Variants in ABCG1 observed in about 807,000 individuals in gnomAD.
ABCG1 encodes the protein ATP-binding cassette sub-family G member 1.
Under a neutral mutation model 69.2 loss-of-function variants are expected in ABCG1, and 29 were observed. That is an observed-to-expected ratio of 0.42 (90% CI 0.31 to 0.57). The LOEUF (loss-of-function observed/expected upper bound fraction) is 0.57, where lower values mean the gene tolerates loss of function less well. ABCG1 is among the 20% of genes least tolerant of loss of function. The pLI is 0.15. For missense variants in ABCG1, 718 were observed against 898.1 expected (o/e 0.80, Z 2.56); for synonymous variants, 370 against 374.8 (o/e 0.99, Z 0.15).
chr21:42,295,333 T>TAAAAAAAAAAAAAAAAAAAAAAAA (rs60677287), intron 14 of ABCG1: 6 of 59,022 alleles, frequency 1.0e-4, no homozygotes, highest in Non-Finnish European at 1.6e-4. Context: ...TCCGTCTCAA[T>TAAAAAAAAAAAAAAAAAAAAAAAA]AAAAAAAAAA....
intron 2 of ABCG1, chr21:42,260,124 G>T (rs544738327): frequency 1.3e-6 from 2 of 1,550,490 alleles, no homozygotes; most frequent in African/African-American, 1.4e-5. Context: ...GTTTCCTGGC[G>T]ATCCCATGGA....
upstream of ABCG1, chr21:42,216,039 A>C: frequency 2.8e-6 from 1 of 362,184 alleles, no homozygotes; most frequent in Middle Eastern, 9.1e-4. Context: ...TTCCCATGCT[A>C]TTCTCATGAT....
chr21:42,208,123 T>A (rs565188178), intron 2 of ABCG1, among the ~76,000 whole-genome samples: 11 of 152,346 alleles, frequency 7.2e-5, no homozygotes, highest in African/African-American at 2.6e-4. Context: ...TATTCTGGAA[T>A]GTTTGGTTGA....
intron 2 of ABCG1, among the ~76,000 whole-genome samples, chr21:42,234,210 G>A (rs1054112121): frequency 2.0e-5 from 3 of 152,104 alleles, no homozygotes; most frequent in Non-Finnish European, 4.4e-5. Context: ...AGGACCGCTG[G>A]CAGGTAGGGG....
intron 2 of ABCG1, among the ~76,000 whole-genome samples, chr21:42,243,447 C>CGT (rs869095111): frequency 0.013 from 1,074 of 81,512 alleles, 15 homozygotes; most frequent in East Asian, 0.086. Flanking sequence ...TGTGTGTGCG[C>CGT]GTGTGTGTGT....
upstream of ABCG1, chr21:42,219,051 C>G (rs72542414): frequency 3.7e-6 from 1 of 267,934 alleles, no homozygotes; most frequent in Non-Finnish European, 6.6e-6. This position sits in a 1 kb window ranked among gnomAD's most constrained non-coding sequence, Gnocchi z 5.3. Context: ...GCGCACCTGC[C>G]GGCCCGCCCG....
At chr21:42,262,193 G>A (rs1205135269) in intron 2 of ABCG1, among the ~76,000 whole-genome samples, 1 of 152,164 alleles carries the variant, frequency 6.6e-6, no homozygotes, top group Non-Finnish European at 1.5e-5. Context: ...TTGGCTTGGG[G>A]AAGCATACTT....
At chr21:42,280,050 C>T (rs1207843664) in intron 5 of ABCG1, among the ~76,000 whole-genome samples, 1 of 152,206 alleles carries the variant, frequency 6.6e-6, no homozygotes, top group Non-Finnish European at 1.5e-5. Flanking sequence ...GATTCCTCTT[C>T]GGCTGGATTG....
At chr21:42,278,554 C>G (rs1280976012) in intron 5 of ABCG1, among the ~76,000 whole-genome samples, 1 of 152,160 alleles carries the variant, frequency 6.6e-6, no homozygotes, top group Admixed American at 6.5e-5. Flanking sequence ...AGGGATGGCC[C>G]CGTGAGGACA....
chr21:42,221,544 G>A (rs1339409326), intron 1 of ABCG1, among the ~76,000 whole-genome samples: 1 of 152,210 alleles, frequency 6.6e-6, no homozygotes, highest in Non-Finnish European at 1.5e-5. Context: ...GGTGGTATTT[G>A]GAGGTGTTCT....
rs1191222434 is a variant in ABCG1 at position 42,283,904 on chromosome 21, G to A, written c.735-656G>A. ...GCCTGGACAGTTGCAAAGTCCCCCC[G>A]CCCAGATGAGTGGGGACCCCCCCAC... is the stretch of plus-strand genomic sequence containing the variant. On this transcript the variant is annotated intron_variant, in intron 6 of 14. Transcript: ENST00000398449. 9.3e-3 allele frequency among the ~76,000 whole-genome samples: 23 copies of A among 2,474 alleles called. 1 individual carries two copies. Among genetic ancestry groups the A allele is most frequent in the East Asian group, 0.014 (1 of 74 alleles). 1.6% of individuals were successfully genotyped at this position (2,474 alleles called of 152,430 possible). A position where few individuals can be genotyped will look rare whatever the true frequency, so the allele number is the denominator to read the frequency against.
At chr21:42,258,785 G>C (rs915830225) in intron 2 of ABCG1, among the ~76,000 whole-genome samples, 1 of 152,196 alleles carries the variant, frequency 6.6e-6, no homozygotes, top group Admixed American at 6.5e-5. Context: ...CCCCCTGCAG[G>C]TGGCTCTGAA....
At position 42,201,554 on chromosome 21, in the gene ABCG1, G is replaced by A. The variant is rs1186996803; in HGVS notation, c.-99-23G>A. ...TAATCTGAGTGAGCTTCATTCTGTC[G>A]ACCTTCTTCCACTCCACCACAGCGC... On this transcript the variant is annotated intron_variant, in intron 1 of 15. Transcript: ENST00000398457. 9 of 1,459,800 alleles carry A rather than the reference G, an allele frequency of 6.2e-6. No individual in the cohort carries two copies. In the African/African-American group the frequency reaches 9.9e-5, roughly 16 times the overall value. The allele number at this position is 1,459,800 out of a possible 1,614,324, so 90.4% of individuals were successfully genotyped here. A position where few individuals can be genotyped will look rare whatever the true frequency, so the allele number is the denominator to read the frequency against.
chr21:42,212,098 C>T (rs777749734), upstream of ABCG1, among the ~76,000 whole-genome samples: 22 of 152,170 alleles, frequency 1.4e-4, no homozygotes, highest in African/African-American at 3.9e-4. Context: ...CATTTTCTGG[C>T]GTCTTGAATT....
intron 2 of ABCG1, among the ~76,000 whole-genome samples, chr21:42,236,731 C>G (rs992777499): frequency 2.0e-5 from 3 of 152,184 alleles, no homozygotes; most frequent in African/African-American, 7.2e-5. Flanking sequence ...CAGGGGCACA[C>G]AGGAAACCAG....
rs747389931 is a variant in ABCG1 at position 42,291,581 on chromosome 21, C to T, written c.1578C>T (p.Ala526=). The change falls in exon 13 of 15, where the codon GCC becomes GCT. Residue 526 remains alanine (A), a synonymous_variant. Coordinates refer to ENST00000398449, the MANE Select transcript of ABCG1 (RefSeq NM_016818.3). This position sits in a 1 kb window ranked among gnomAD's most constrained non-coding sequence, Gnocchi z 6.4. ...ACGCCGTGCGCTTTGTGCTGTTTGC[C>T]GCGCTGGGCACCATGACCTCCCTGG... is the stretch of plus-strand genomic sequence containing the variant. The part of the protein sequence containing the change: ...PSDAVRFVLF[A]ALGTMTSLVA... 38 of 1,612,644 alleles carry T rather than the reference C, an allele frequency of 2.4e-5. No homozygotes were observed. In the Admixed American group the frequency reaches 2.8e-4, roughly 12 times the overall value.
chr21:42,292,818 C>T (rs2069094916), intron 13 of ABCG1, among the ~76,000 whole-genome samples: 4 of 146,962 alleles, frequency 2.7e-5, no homozygotes, highest in South Asian at 4.4e-4. Flanking sequence ...CTACACAGTA[C>T]ACACCACACA....
At chr21:42,277,153 C>T (rs545554853) in intron 5 of ABCG1, among the ~76,000 whole-genome samples, 1 of 152,296 alleles carries the variant, frequency 6.6e-6, no homozygotes, top group African/African-American at 2.4e-5. Context: ...TGCACACGCT[C>T]ATGGCTTTGA....
intron 2 of ABCG1, among the ~76,000 whole-genome samples, chr21:42,258,379 A>T (rs2068345339): frequency 8.4e-6 from 1 of 118,630 alleles, no homozygotes; most frequent in African/African-American, 3.3e-5. Flanking sequence ...CCCTCTTTCC[A>T]TCTCTCCCTC....
Sources: allele counts gnomAD v4.1 joint callset (sites outside exome capture counted in the v4.1 genomes callset), GRCh38; gene constraint gnomAD v4.1.1; non-coding constraint Gnocchi (gnomAD v3.1); transcripts MANE v1.5; gene names NCBI Gene and HGNC (gene_info 2026-07-23, HGNC 2026-07-21).